Variants in TACR3 observed in about 807,000 individuals in gnomAD.
The protein encoded by TACR3 is tachykinin receptor 3.
In TACR3, 34 loss-of-function variants were observed where a neutral mutation model predicts 35.0. The observed-to-expected ratio is 0.97, with a 90% CI of 0.74 to 1.30. The LOEUF (loss-of-function observed/expected upper bound fraction) is 1.30. TACR3 is among the 50% of genes most tolerant of loss of function. TACR3 has a pLI of 0.00. For synonymous variants in TACR3, 233 were observed against 221.1 expected (o/e 1.05, Z -0.48); for missense variants, 558 against 591.7 (o/e 0.94, Z 0.59).
intron 3 of TACR3, among the ~76,000 whole-genome samples, chr4:103,602,816 A>G (rs1578221674): frequency 6.6e-6 from 1 of 152,134 alleles, no homozygotes; most frequent in Non-Finnish European, 1.5e-5. Context: ...GGTGCCTCCC[A>G]TTTAGGCTAC....
rs2107039 is a variant in TACR3, at chr4:103,682,567, C to T, written c.549-24164G>A. The stretch of plus-strand genomic sequence containing the variant: ...ATCACCTCCTACCTGGTCCCTCCCT[C>T]GACACATAGGGATTATGGGGATTAC... On this transcript the variant is annotated intron_variant, in intron 1 of 4. Transcript: ENST00000304883. 8.2e-3 allele frequency among the ~76,000 whole-genome samples: 1,243 copies of T among 152,134 alleles called. 20 individuals are homozygous for T. The highest frequency in any genetic ancestry group is 0.028 in the African/African-American group (1,178 of 41,496).
At chr4:103,595,412 G>T (rs1012048072) in intron 3 of TACR3, among the ~76,000 whole-genome samples, 2 of 152,114 alleles carry the variant, frequency 1.3e-5, no homozygotes, top group African/African-American at 4.8e-5. Context: ...CCCTTACAAA[G>T]TTACATTGCC....
chr4:103,692,826 A>G (rs934462310), intron 1 of TACR3, among the ~76,000 whole-genome samples: 4 of 152,176 alleles, frequency 2.6e-5, no homozygotes, highest in Admixed American at 2.6e-4. Flanking sequence ...GGGCCAGGTT[A>G]CTGCTAAGGG....
Position 103,599,052 on chromosome 4 carries a change from C to G in TACR3, c.889-7369G>C, listed in dbSNP as rs555353477. On this transcript the variant is annotated intron_variant, in intron 3 of 4. Coordinates refer to ENST00000304883, the MANE Select transcript of TACR3 (RefSeq NM_001059.3). Reference sequence around the variant, plus strand: ...CTGTAAATTACCTTGGGCAGTATGGCCATTTTCACAATATTGATTCTTCCT... The same window carrying G: ...CTGTAAATTACCTTGGGCAGTATGGGCATTTTCACAATATTGATTCTTCCT... Among the ~76,000 whole-genome samples, 90 of 152,068 alleles carry G rather than the reference C, an allele frequency of 5.9e-4. 1 individual carries two copies. The highest frequency in any genetic ancestry group is 1.2e-3 in the Non-Finnish European group (80 of 68,028).
At chr4:103,692,568 C>T (rs952776817) in intron 1 of TACR3, among the ~76,000 whole-genome samples, 4 of 152,146 alleles carry the variant, frequency 2.6e-5, no homozygotes, top group African/African-American at 9.7e-5. Context: ...AACCAACTTT[C>T]TGTAATTAAG....
intron 3 of TACR3, among the ~76,000 whole-genome samples, chr4:103,653,554 G>C (rs1158473373): frequency 6.6e-6 from 1 of 152,020 alleles, no homozygotes; most frequent in Admixed American, 6.6e-5. Flanking sequence ...ATTCAAGATG[G>C]ATTAAAGACT....
At chr4:103,597,362 C>G (rs1011459493) in intron 3 of TACR3, among the ~76,000 whole-genome samples, 1 of 152,006 alleles carries the variant, frequency 6.6e-6, no homozygotes, top group South Asian at 2.1e-4. Flanking sequence ...AAGATTGATT[C>G]TTTCTAAATG....
At chr4:103,685,906 G>A (rs193140691) in intron 1 of TACR3, among the ~76,000 whole-genome samples, 28 of 152,254 alleles carry the variant, frequency 1.8e-4, no homozygotes, top group Admixed American at 3.3e-4. Flanking sequence ...GGACATCTAT[G>A]AGAACTACTA....
chr4:103,615,718 A>G (rs1359555287), intron 3 of TACR3, among the ~76,000 whole-genome samples: 1 of 152,228 alleles, frequency 6.6e-6, no homozygotes, highest in Non-Finnish European at 1.5e-5. Flanking sequence ...ATGTTTCACA[A>G]TGAAAAGACA....
At chr4:103,612,203 A>T (rs1724529632) in intron 3 of TACR3, among the ~76,000 whole-genome samples, 2 of 152,066 alleles carry the variant, frequency 1.3e-5, no homozygotes, top group Admixed American at 6.6e-5. Context: ...CAACATCCTG[A>T]CTTCTTTCTG....
chr4:103,606,667 A>AT (rs1724376204), intron 3 of TACR3, among the ~76,000 whole-genome samples: 3 of 151,944 alleles, frequency 2.0e-5, no homozygotes, highest in Non-Finnish European at 4.4e-5. Flanking sequence ...TTGTACATTG[A>AT]TTTTGTATCC....
At position 103,587,210 on chromosome 4, in the gene TACR3, T is replaced by A. The variant is rs1723785375; in HGVS notation, c.*2472A>T. ...GTGCATTATTCTGTAATTCTTATTG[T>A]CAAAATGCAGACAAAAGAGTGAAAA... On this transcript the variant is annotated 3_prime_UTR_variant, in exon 5 of 5. Coordinates refer to ENST00000304883, the MANE Select transcript of TACR3 (RefSeq NM_001059.3). The A allele has an allele frequency of 1.3e-5, 2 of 152,142 alleles. No homozygotes were observed. The highest frequency in any genetic ancestry group is 1.3e-4 in the Admixed American group (2 of 15,236). The allele number at this position is 152,142 out of a possible 1,614,324, so 9.4% of individuals were successfully genotyped here.
At chr4:103,622,088 T>C (rs966152118) in intron 3 of TACR3, among the ~76,000 whole-genome samples, 1 of 152,148 alleles carries the variant, frequency 6.6e-6, no homozygotes, top group African/African-American at 2.4e-5. Flanking sequence ...ACAGGGAGAC[T>C]TCTCGAAGGG....
chr4:103,651,525 G>A (rs1725617426), intron 3 of TACR3, among the ~76,000 whole-genome samples: 1 of 151,452 alleles, frequency 6.6e-6, no homozygotes, highest in Non-Finnish European at 1.5e-5. Context: ...CAAAAATGTT[G>A]TCCAAGTGTC....
At chr4:103,639,818 A>C (rs958226808) in intron 3 of TACR3, among the ~76,000 whole-genome samples, 6 of 151,948 alleles carry the variant, frequency 3.9e-5, no homozygotes, top group African/African-American at 1.4e-4. Context: ...GTAAAATGAA[A>C]ATAACAGTGA....
At chr4:103,699,466 G>A (rs1722597743) in intron 1 of TACR3, among the ~76,000 whole-genome samples, 1 of 152,124 alleles carries the variant, frequency 6.6e-6, no homozygotes, top group Non-Finnish European at 1.5e-5. Flanking sequence ...GAGAGCTAAG[G>A]AGCCATTGAA....
At chr4:103,629,583 G>A (rs1578233684) in intron 3 of TACR3, among the ~76,000 whole-genome samples, 1 of 151,992 alleles carries the variant, frequency 6.6e-6, no homozygotes, top group East Asian at 1.9e-4. Flanking sequence ...CAACTTACAA[G>A]GGATGTGGAG....
intron 3 of TACR3, among the ~76,000 whole-genome samples, chr4:103,595,172 G>C (rs1401920707): frequency 2.0e-5 from 3 of 152,152 alleles, no homozygotes; most frequent in Non-Finnish European, 2.9e-5. Context: ...TGTATTGCAT[G>C]GCTGAACAAT....
chr4:103,707,611 G>A (rs1049521038), intron 1 of TACR3, among the ~76,000 whole-genome samples: 5 of 152,112 alleles, frequency 3.3e-5, no homozygotes, highest in Non-Finnish European at 5.9e-5. Flanking sequence ...ATTTCCAACT[G>A]AGTTACCGGG....
Sources: allele counts gnomAD v4.1 joint callset (sites outside exome capture counted in the v4.1 genomes callset), GRCh38; gene constraint gnomAD v4.1.1; transcripts MANE v1.5; gene names NCBI Gene and HGNC (gene_info 2026-07-23, HGNC 2026-07-21).